The following ARFGEF3 variants were observed in gnomAD, a reference collection of about 807,000 sequenced individuals.
ARFGEF3 encodes ARFGEF family member 3, also known as brefeldin A-inhibited guanine nucleotide-exchange protein 3.
A neutral mutation model predicts 221.7 loss-of-function variants in ARFGEF3; 96 were observed. The observed-to-expected ratio is 0.43, with a 90% CI of 0.37 to 0.51. The LOEUF is 0.51. Ranked by LOEUF, ARFGEF3 falls within the 20% of genes least tolerant of loss-of-function variation. ARFGEF3 has a pLI of 0.00. For synonymous variants in ARFGEF3, 1,145 were observed against 1,126.8 expected, an observed-to-expected ratio of 1.02 and a Z score of -0.32; for missense variants, 2,410 against 2,789.9, an observed-to-expected ratio of 0.86 and a Z score of 3.07.
intron 6 of ARFGEF3, among the ~76,000 whole-genome samples, chr6:138,242,510 T>C (rs921079557): frequency 6.6e-6 from 1 of 152,158 alleles, no homozygotes. Context: ...ATCCTTCTTA[T>C]GGCCAAGAGT....
intron 27 of ARFGEF3, 58 bp downstream of exon 27, chr6:138,317,437 G>C (rs545360325): frequency 6.2e-7 from 1 of 1,603,382 alleles, no homozygotes; most frequent in Admixed American, 1.7e-5. Context: ...CTCTTTTCAA[G>C]AGGGTATTTC....
intron 10 of ARFGEF3, among the ~76,000 whole-genome samples, chr6:138,256,369 A>G (rs938373038): frequency 6.6e-6 from 1 of 152,194 alleles, no homozygotes; most frequent in African/African-American, 2.4e-5. Flanking sequence ...GCCTTCTCTC[A>G]AAGAACCAAA....
At chr6:138,271,449 A>G (rs1779001356) in intron 12 of ARFGEF3, among the ~76,000 whole-genome samples, 2 of 152,238 alleles carry the variant, frequency 1.3e-5, no homozygotes, top group African/African-American at 4.8e-5. Context: ...ATAATAGCTA[A>G]TCTAACATGG....
rs1323505042 is a variant in ARFGEF3 at position 138,189,398 on chromosome 6, TAAC to T, written c.138-17643_138-17641del. The stretch of plus-strand genomic sequence containing the variant: ...AGAGGAGACTGAGGCTTTGTGAGGA[TAAC>T]TTGCCCAGGATTACCCAGTAACAAC... On this transcript the variant is annotated intron_variant, in intron 2 of 33. Coordinates refer to ENST00000251691, the MANE Select transcript of ARFGEF3 (RefSeq NM_020340.5). Among the ~76,000 whole-genome samples the T allele has an allele frequency of 7.9e-5, 12 of 152,318 alleles. No homozygotes were observed. The East Asian group carries it at 1.9e-3, about 25-fold the overall frequency.
chr6:138,268,666 G>A (rs146606652), intron 12 of ARFGEF3, among the ~76,000 whole-genome samples: 68 of 152,312 alleles, frequency 4.5e-4, no homozygotes, highest in African/African-American at 1.5e-3. Context: ...AGAACAAAGT[G>A]ACGTCTGTGT....
chr6:138,280,196 G>T, intron 14 of ARFGEF3, 32 bp downstream of exon 14: 9 of 1,606,984 alleles, frequency 5.6e-6, no homozygotes, highest in Non-Finnish European at 6.8e-6. Context: ...CTTGGGGCAC[G>T]TGGTAGGGTG....
In ARFGEF3 at chr6:138,337,533, C is replaced by G. The variant is rs1245670098; in HGVS notation, c.*1047C>G. 2.0e-5 allele frequency: 3 copies of G among 152,606 alleles called. No individual in the cohort carries two copies. The highest frequency in any genetic ancestry group is 7.2e-5 in the African/African-American group (3 of 41,428). 9.5% of individuals were successfully genotyped at this position (152,606 alleles called of 1,614,324 possible). A position where few individuals can be genotyped will look rare whatever the true frequency, so the allele number is the denominator to read the frequency against. ...GGATGGATTATGATGAAATCATTTT[C>G]AATCTTAAAATATAATACAACAATC... is the stretch of plus-strand genomic sequence containing the variant. On this transcript the variant is annotated 3_prime_UTR_variant, in exon 34 of 34. Coordinates refer to ENST00000251691, the MANE Select transcript of ARFGEF3 (RefSeq NM_020340.5).
intron 22 of ARFGEF3, among the ~76,000 whole-genome samples, chr6:138,303,806 G>A (rs191506282): frequency 7.3e-6 from 1 of 136,586 alleles, no homozygotes; most frequent in Non-Finnish European, 1.5e-5. Flanking sequence ...AGGTTGCAGT[G>A]AGCCAAGATC....
Position 138,269,202 on chromosome 6 carries a change from C to T in ARFGEF3, c.2128+5591C>T, listed in dbSNP as rs1778950772. The stretch of plus-strand genomic sequence containing the variant: ...GTGGGCAGCCACAGACCTGCAACCT[C>T]TGCCCAGCCTGGGCTCTCCCTTCTC... On this transcript the variant is annotated intron_variant, in intron 12 of 33. Transcript: ENST00000251691. Among the ~76,000 whole-genome samples the T allele has an allele frequency of 3.9e-5, 6 of 152,392 alleles. No homozygotes were observed. The South Asian group carries it at 1.2e-3, about 32-fold the overall frequency.
intron 27 of ARFGEF3, 109 bp downstream of exon 27, chr6:138,317,488 A>C (rs1326991033): frequency 2.3e-6 from 3 of 1,315,578 alleles, no homozygotes; most frequent in Admixed American, 2.1e-5. Context: ...TAGACTTAGT[A>C]CAAAGCTCAC....
At chr6:138,216,454 G>A (rs1342144705) in intron 4 of ARFGEF3, 1 of 152,122 alleles carries the variant, frequency 6.6e-6, no homozygotes, top group Non-Finnish European at 1.5e-5. Flanking sequence ...CAGTACTGTC[G>A]TCAGTGCCTT....
At position 138,162,011 on chromosome 6, in the gene ARFGEF3, C is replaced by G; in HGVS notation, c.-76C>G. On this transcript the variant is annotated 5_prime_UTR_variant, in exon 1 of 34. Transcript: ENST00000251691. This position sits in a 1 kb window ranked among gnomAD's most constrained non-coding sequence, Gnocchi z 4.7. Reference sequence around the variant, plus strand: ...GGCCGCCTAGGCGCCCAGGGCCAGGCAGCGGCGGCTTCCCCGGCCCGGCTC... The same window carrying G: ...GGCCGCCTAGGCGCCCAGGGCCAGGGAGCGGCGGCTTCCCCGGCCCGGCTC... The G allele has an allele frequency of 9.4e-7, 1 of 1,067,854 alleles. No homozygotes were observed. Among genetic ancestry groups the G allele is most frequent in the East Asian group, 3.9e-5 (1 of 25,784 alleles). 66.1% of individuals were successfully genotyped at this position (1,067,854 alleles called of 1,614,324 possible). A position where few individuals can be genotyped will look rare whatever the true frequency, so the allele number is the denominator to read the frequency against.
At chr6:138,229,022 T>C (rs1035838459) in intron 4 of ARFGEF3, among the ~76,000 whole-genome samples, 1 of 152,230 alleles carries the variant, frequency 6.6e-6, no homozygotes, top group Non-Finnish European at 1.5e-5. Flanking sequence ...GCTCTACAAG[T>C]AGAAAGTGAA....
Position 138,291,333 on chromosome 6 carries a change from C to T in ARFGEF3, c.3048-400C>T, listed in dbSNP as rs1194648026. ...ATTCTGGGATCCCATCGTAGGGAAA[C>T]GCTTCCCAACTCCTAATCAGAGCAC... On this transcript the variant is annotated intron_variant, in intron 18 of 33. Coordinates refer to ENST00000251691, the MANE Select transcript of ARFGEF3 (RefSeq NM_020340.5). This position sits in a 1 kb window ranked among gnomAD's most constrained non-coding sequence, Gnocchi z 4.5. Among the ~76,000 whole-genome samples the T allele has an allele frequency of 2.0e-5, 3 of 152,102 alleles. No homozygotes were observed. Among genetic ancestry groups the T allele is most frequent in the African/African-American group, 7.2e-5 (3 of 41,402 alleles).
At chr6:138,229,896 A>G (rs1355777463) in intron 5 of ARFGEF3, 44 bp downstream of exon 5, 1 of 1,501,710 alleles carries the variant, frequency 6.7e-7, no homozygotes, top group East Asian at 2.3e-5. Context: ...CAGCTGCTTT[A>G]TCTCTGACTG....
intron 4 of ARFGEF3, among the ~76,000 whole-genome samples, chr6:138,220,907 T>A (rs959528172): frequency 6.6e-6 from 1 of 152,250 alleles, no homozygotes; most frequent in South Asian, 2.1e-4. Flanking sequence ...CTTGAAATAG[T>A]AAAGCAAGTT....
chr6:138,170,098 A>T (rs1358435413), intron 1 of ARFGEF3, among the ~76,000 whole-genome samples: 1 of 152,238 alleles, frequency 6.6e-6, no homozygotes, highest in Non-Finnish European at 1.5e-5. Context: ...AAATCCACAA[A>T]CAATGGCAAA....
chr6:138,218,113 T>C (rs763827377), intron 4 of ARFGEF3: 31 of 1,613,850 alleles, frequency 1.9e-5, no homozygotes, highest in Non-Finnish European at 2.4e-5. Flanking sequence ...GAACATTTCA[T>C]TGAGGAACCT....
Position 138,215,890 on chromosome 6 carries a change from AAG to A in ARFGEF3, c.351+5870_351+5871del, listed in dbSNP as rs61160088. On this transcript the variant is annotated intron_variant, in intron 4 of 33. Coordinates refer to ENST00000251691, the MANE Select transcript of ARFGEF3 (RefSeq NM_020340.5). ...TGTGTGTGTGTGTGTGTGTGTGTGA[AAG>A]AGAGAGAGAGAGAGAGAGAGTGTTG... 327 of 88,730 alleles carry A rather than the reference AAG, an allele frequency of 3.7e-3. 3 individuals are homozygous for A. Among genetic ancestry groups the A allele is most frequent in the Middle Eastern group, 0.012 (2 of 162 alleles). The allele number at this position is 88,730 out of a possible 1,614,324, so 5.5% of individuals were successfully genotyped here.
Sources: allele counts gnomAD v4.1 joint callset (sites outside exome capture counted in the v4.1 genomes callset), GRCh38; gene constraint gnomAD v4.1.1; non-coding constraint Gnocchi (gnomAD v3.1); transcripts MANE v1.5; gene names NCBI Gene and HGNC (gene_info 2026-07-23, HGNC 2026-07-21).